Variants in PCSK2 observed in about 807,000 individuals in gnomAD.
PCSK2 encodes proprotein convertase subtilisin/kexin type 2.
In PCSK2, 14 loss-of-function variants were observed where a neutral mutation model predicts 69.7. That is an observed-to-expected ratio of 0.20 (90% CI 0.13 to 0.31). The LOEUF (loss-of-function observed/expected upper bound fraction) is 0.31, where lower values mean the gene tolerates loss of function less well. Among genes scored for constraint, PCSK2 ranks in the 10% least tolerant of loss-of-function variants. The probability of loss-of-function intolerance (pLI) is 1.00; values close to 1 mark genes in which losing one functional copy is unlikely to be tolerated. For missense variants in PCSK2, 544 were observed against 842.5 expected (o/e 0.65, Z 4.39); for synonymous variants, 307 against 320.7 (o/e 0.96, Z 0.46).
intron 2 of PCSK2, among the ~76,000 whole-genome samples, chr20:17,325,757 C>A (rs1224304305): frequency 6.6e-6 from 1 of 152,198 alleles, no homozygotes; most frequent in Non-Finnish European, 1.5e-5. Flanking sequence ...CAGGCATGTT[C>A]TTCTCAAGCC....
intron 2 of PCSK2, among the ~76,000 whole-genome samples, chr20:17,314,714 G>T (rs972389383): frequency 6.6e-6 from 1 of 152,142 alleles, no homozygotes; most frequent in Non-Finnish European, 1.5e-5. Flanking sequence ...AGGGAATATT[G>T]ATTTACTTTA....
chr20:17,434,684 C>T (rs910918408), intron 7 of PCSK2, among the ~76,000 whole-genome samples: 4 of 152,154 alleles, frequency 2.6e-5, no homozygotes, highest in East Asian at 1.9e-4. Flanking sequence ...GGCTGGCATT[C>T]GTTGGTTTGT....
At chr20:17,415,701 C>A (rs1171584271) in intron 6 of PCSK2, among the ~76,000 whole-genome samples, 1 of 152,138 alleles carries the variant, frequency 6.6e-6, no homozygotes, top group Non-Finnish European at 1.5e-5. Context: ...TCATATTGAA[C>A]CAAAAAAGAG....
intron 2 of PCSK2, among the ~76,000 whole-genome samples, chr20:17,291,163 A>T (rs1988682104): frequency 6.6e-6 from 1 of 151,800 alleles, no homozygotes; most frequent in South Asian, 2.1e-4. Flanking sequence ...TCCTTCCCTC[A>T]TTTGCTCATT....
chr20:17,360,443 T>C (rs2030353642), intron 3 of PCSK2, 89 bp from the exon 4 acceptor site: 2 of 707,908 alleles, frequency 2.8e-6, no homozygotes, highest in East Asian at 5.7e-5. Context: ...AAATATTAGA[T>C]GGCTATAGAG....
intron 2 of PCSK2, among the ~76,000 whole-genome samples, chr20:17,299,872 A>G (rs1989018359): frequency 1.3e-5 from 2 of 152,066 alleles, no homozygotes. Flanking sequence ...GTAGAAAAAC[A>G]CTCTTTCCCC....
intron 2 of PCSK2, among the ~76,000 whole-genome samples, chr20:17,335,972 C>T (rs1270076342): frequency 1.3e-5 from 2 of 151,600 alleles, no homozygotes; most frequent in Non-Finnish European, 2.9e-5. Flanking sequence ...AATTGTGTGG[C>T]TCATCACAGC....
intron 5 of PCSK2, among the ~76,000 whole-genome samples, chr20:17,404,285 T>A (rs922020749): frequency 4.6e-5 from 7 of 152,232 alleles, no homozygotes; most frequent in African/African-American, 1.7e-4. Context: ...ATCTGTTCAA[T>A]CACATCAGTG....
intron 6 of PCSK2, among the ~76,000 whole-genome samples, chr20:17,411,787 G>C (rs565068154): frequency 6.6e-6 from 1 of 152,238 alleles, no homozygotes; most frequent in Non-Finnish European, 1.5e-5. Flanking sequence ...AGCTCACAAA[G>C]GTGGGTGCCC....
rs2032859757 is a variant in PCSK2 at position 17,453,272 on chromosome 20, T to C, written c.886-470T>C. Among the ~76,000 whole-genome samples, 3 of 152,180 alleles carry C rather than the reference T, an allele frequency of 2.0e-5. No homozygotes were observed. Among genetic ancestry groups the C allele is most frequent in the Admixed American group, 1.3e-4 (2 of 15,276 alleles). ...ATATATCTTCTATAAATGTTTTGTA[T>C]AGCTTATGTAGCTAAGAAAAATTAT... is the stretch of plus-strand genomic sequence containing the variant. On this transcript the variant is annotated intron_variant, in intron 8 of 11. Coordinates refer to ENST00000262545, the MANE Select transcript of PCSK2 (RefSeq NM_002594.5). This position sits in a 1 kb window ranked among gnomAD's most constrained non-coding sequence, Gnocchi z 4.0.
At chr20:17,344,416 A>G (rs1422000111) in intron 2 of PCSK2, among the ~76,000 whole-genome samples, 1 of 152,190 alleles carries the variant, frequency 6.6e-6, no homozygotes, top group Non-Finnish European at 1.5e-5. Flanking sequence ...AAATATGAAC[A>G]AGAGGAAATA....
intron 7 of PCSK2, among the ~76,000 whole-genome samples, chr20:17,435,895 C>G (rs73898545): frequency 0.015 from 2,343 of 152,248 alleles, 55 homozygotes; most frequent in African/African-American, 0.053. Context: ...GATGGCCAAA[C>G]GGGGACCGGA....
chr20:17,333,219 A>G (rs1990248449), intron 2 of PCSK2, among the ~76,000 whole-genome samples: 1 of 152,204 alleles, frequency 6.6e-6, no homozygotes, highest in African/African-American at 2.4e-5. Flanking sequence ...TATGTGTAGA[A>G]AAAGAATGAT....
chr20:17,291,767 A>C (rs534959144), intron 2 of PCSK2, among the ~76,000 whole-genome samples: 3 of 152,326 alleles, frequency 2.0e-5, no homozygotes, highest in Non-Finnish European at 4.4e-5. Flanking sequence ...CTTTTCTCAC[A>C]GAAATGGAAT....
chr20:17,392,298 T>C (rs540944930), intron 5 of PCSK2, among the ~76,000 whole-genome samples: 108 of 152,284 alleles, frequency 7.1e-4, no homozygotes, highest in African/African-American at 2.4e-3. Context: ...TTAGTCAATT[T>C]TGGGGGGAAA....
chr20:17,434,031 T>TACACTCTCCCTCTCTCCC (rs2032432465), intron 7 of PCSK2, among the ~76,000 whole-genome samples: 1 of 120,538 alleles, frequency 8.3e-6, no homozygotes, highest in African/African-American at 3.2e-5. Context: ...CTCTCTCTCC[T>TACACTCTCCCTCTCTCCC]ACACTCTCCC....
intron 2 of PCSK2, among the ~76,000 whole-genome samples, chr20:17,274,293 T>C (rs1233391441): frequency 6.6e-6 from 1 of 152,154 alleles, no homozygotes; most frequent in Non-Finnish European, 1.5e-5. Context: ...CCCGGGATGC[T>C]TCTGTTGTCC....
intron 8 of PCSK2, among the ~76,000 whole-genome samples, chr20:17,439,157 A>G (rs1395752711): frequency 2.0e-5 from 3 of 151,100 alleles, no homozygotes; most frequent in Non-Finnish European, 2.9e-5. Flanking sequence ...TTCTTTTGAG[A>G]TAGGGTCTCA....
rs11474649 is a variant in PCSK2, at chr20:17,275,084, C to CATATAT, written c.282+14764_282+14769dup. Among the ~76,000 whole-genome samples the CATATAT allele has an allele frequency of 9.1e-3, 1,292 of 141,476 alleles. 10 individuals carry two copies. The highest frequency in any genetic ancestry group is 0.026 in the South Asian group (115 of 4,444). 92.8% of individuals were successfully genotyped at this position (141,476 alleles called of 152,430 possible). A position where few individuals can be genotyped will look rare whatever the true frequency, so the allele number is the denominator to read the frequency against. On this transcript the variant is annotated intron_variant, in intron 2 of 11. Coordinates refer to ENST00000262545, the MANE Select transcript of PCSK2 (RefSeq NM_002594.5). ...TCTTATTTTGTGCATATTATTTATA[C>CATATAT]ATATATATATATATATATATATATA...
Sources: gnomAD v4.1 joint callset for allele counts (sites outside exome capture counted in the v4.1 genomes callset) on GRCh38, gnomAD v4.1.1 for gene constraint, Gnocchi (gnomAD v3.1) non-coding constraint, MANE v1.5 for transcripts, NCBI Gene and HGNC (gene_info 2026-07-23, HGNC 2026-07-21) for gene names.